The following CCSER1 variants were observed in gnomAD, a reference collection of about 807,000 sequenced individuals.
CCSER1 encodes coiled-coil serine rich protein 1.
A neutral mutation model predicts 82.0 loss-of-function variants in CCSER1; 41 were observed. That is an observed-to-expected ratio of 0.50 (90% CI 0.39 to 0.65). The LOEUF (loss-of-function observed/expected upper bound fraction) is 0.65. Among genes scored for constraint, CCSER1 ranks in the 30% least tolerant of loss-of-function variants. CCSER1 has a pLI of 0.00. For missense variants in CCSER1, 1,119 were observed against 1,064.2 expected (o/e 1.05, Z -0.72); for synonymous variants, 414 against 383.9 (o/e 1.08, Z -0.92).
At chr4:91,346,594 C>T (rs1331529171) in intron 10 of CCSER1, among the ~76,000 whole-genome samples, 1 of 152,102 alleles carries the variant, frequency 6.6e-6, no homozygotes, top group Admixed American at 6.6e-5. Context: ...GGCTATTTTG[C>T]GTATCCACCA....
At chr4:90,709,473 T>C (rs1414809615) in intron 6 of CCSER1, among the ~76,000 whole-genome samples, 1 of 152,034 alleles carries the variant, frequency 6.6e-6, no homozygotes, top group African/African-American at 2.4e-5. Context: ...TGTGTTGTTT[T>C]CCCCTATATG....
chr4:91,100,031 T>G (rs1460859703), intron 10 of CCSER1, among the ~76,000 whole-genome samples: 3 of 152,086 alleles, frequency 2.0e-5, no homozygotes. Context: ...TGTTTTGGGG[T>G]AAAATATTTT....
intron 10 of CCSER1, among the ~76,000 whole-genome samples, chr4:91,297,440 G>A (rs1426209616): frequency 6.7e-6 from 1 of 148,964 alleles, no homozygotes; most frequent in Non-Finnish European, 1.5e-5. Flanking sequence ...AGACAGATGT[G>A]GATAAGGAGG....
At chr4:91,490,468 T>C (rs1185465552) in intron 10 of CCSER1, among the ~76,000 whole-genome samples, 1 of 152,042 alleles carries the variant, frequency 6.6e-6, no homozygotes, top group East Asian at 1.9e-4. Context: ...GAGGACATTA[T>C]GTTAATTGGA....
At chr4:91,210,317 A>G (rs1390438900) in intron 10 of CCSER1, among the ~76,000 whole-genome samples, 1 of 151,106 alleles carries the variant, frequency 6.6e-6, no homozygotes, top group Non-Finnish European at 1.5e-5. Flanking sequence ...GGAAACCATG[A>G]ATCTATGCTG....
chr4:90,153,732 T>C (rs1727391774), intron 1 of CCSER1, among the ~76,000 whole-genome samples: 1 of 152,174 alleles, frequency 6.6e-6, no homozygotes, highest in African/African-American at 2.4e-5. Flanking sequence ...TTGATGGGTT[T>C]ATTTTTTTCT....
chr4:90,775,601 C>A (rs1752790161), intron 7 of CCSER1, among the ~76,000 whole-genome samples: 1 of 152,014 alleles, frequency 6.6e-6, no homozygotes, highest in Non-Finnish European at 1.5e-5. Context: ...GGACTTCTTT[C>A]CTTAGAAGTG....
At chr4:91,499,618 GTCTGCCTATTCA>G (rs1759099427) in intron 10 of CCSER1, among the ~76,000 whole-genome samples, 1 of 151,820 alleles carries the variant, frequency 6.6e-6, no homozygotes, top group Non-Finnish European at 1.5e-5. Context: ...GTCCTCTGTG[GTCTGCCTATTCA>G]TCTCTCCTTT....
intron 1 of CCSER1, among the ~76,000 whole-genome samples, chr4:90,260,065 G>T (rs1724041551): frequency 6.6e-6 from 1 of 152,106 alleles, no homozygotes; most frequent in African/African-American, 2.4e-5. Flanking sequence ...ATGTCTGGTA[G>T]AATTCAATTG....
intron 3 of CCSER1, among the ~76,000 whole-genome samples, chr4:90,388,179 T>G (rs116421886): frequency 7.4e-4 from 112 of 152,342 alleles, no homozygotes; most frequent in African/African-American, 2.6e-3. Context: ...ACAAGGCTGC[T>G]TTAGTGACTG....
intron 10 of CCSER1, among the ~76,000 whole-genome samples, chr4:91,478,048 T>C (rs1267429476): frequency 6.6e-6 from 1 of 151,984 alleles, no homozygotes; most frequent in East Asian, 1.9e-4. Flanking sequence ...ACCCAAATCA[T>C]ATTTATTGGT....
In CCSER1 at chr4:91,554,490, CCAGA is replaced by C. The variant is rs1487590682; in HGVS notation, c.2218-44081_2218-44078del. Reference sequence around the variant, plus strand: ...TCTTAAGAACTTGGAATAAATTTAACCAGAAAGAGGAAAATCTGTACACTGAACA... The same window carrying C: ...TCTTAAGAACTTGGAATAAATTTAACAAGAGGAAAATCTGTACACTGAACA... On this transcript the variant is annotated intron_variant, in intron 10 of 10. Coordinates refer to ENST00000509176, the MANE Select transcript of CCSER1 (RefSeq NM_001145065.2). Among the ~76,000 whole-genome samples the C allele has an allele frequency of 2.0e-5, 3 of 150,948 alleles. 1 individual carries two copies. The highest frequency in any genetic ancestry group is 1.9e-4 in the East Asian group (1 of 5,160).
chr4:90,773,726 A>G (rs769446780), intron 7 of CCSER1, among the ~76,000 whole-genome samples: 2 of 152,248 alleles, frequency 1.3e-5, no homozygotes, highest in Non-Finnish European at 2.9e-5. Context: ...TAGTAAAAAC[A>G]AAATGGGAGA....
intron 10 of CCSER1, among the ~76,000 whole-genome samples, chr4:91,278,997 A>G (rs1039314925): frequency 1.3e-5 from 2 of 151,380 alleles, no homozygotes; most frequent in African/African-American, 4.9e-5. Flanking sequence ...GGGAAAGACT[A>G]TCTCTTCTTC....
chr4:91,552,088 GAATAT>G (rs1762186314), intron 10 of CCSER1, among the ~76,000 whole-genome samples: 1 of 151,578 alleles, frequency 6.6e-6, no homozygotes, highest in Admixed American at 6.6e-5. Context: ...ATAAAAATTT[GAATAT>G]AATTTTTAAT....
At chr4:90,266,097 A>G (rs1442473974) in intron 1 of CCSER1, among the ~76,000 whole-genome samples, 1 of 152,182 alleles carries the variant, frequency 6.6e-6, no homozygotes, top group African/African-American at 2.4e-5. Context: ...CCACTAAAAC[A>G]TAGCTGTTAT....
At chr4:90,184,641 A>G (rs1355459509) in intron 1 of CCSER1, among the ~76,000 whole-genome samples, 1 of 152,048 alleles carries the variant, frequency 6.6e-6, no homozygotes, top group Non-Finnish European at 1.5e-5. Context: ...AAAAGTGAAA[A>G]CTTGGTGCAA....
At chr4:90,876,280 A>G (rs992397011) in intron 8 of CCSER1, among the ~76,000 whole-genome samples, 3 of 152,028 alleles carry the variant, frequency 2.0e-5, no homozygotes, top group African/African-American at 7.2e-5. Context: ...ATGAAAACCC[A>G]ATTTTTATTC....
rs374721087 is a variant in CCSER1 at position 91,131,784 on chromosome 4, A to G, written c.2217+45790A>G. ...CAATACTCATTGGACTAGTCTTTCA[A>G]CTTTTCTGATCTATTTCAAAGTAAA... On this transcript the variant is annotated intron_variant, in intron 10 of 10. Transcript: ENST00000509176. Among the ~76,000 whole-genome samples the G allele has an allele frequency of 2.9e-3, 434 of 152,138 alleles. 1 individual carries two copies. The highest frequency in any genetic ancestry group is 9.8e-3 in the African/African-American group (409 of 41,532).
Sources: allele counts gnomAD v4.1 joint callset (sites outside exome capture counted in the v4.1 genomes callset), GRCh38; gene constraint gnomAD v4.1.1; transcripts MANE v1.5; gene names NCBI Gene and HGNC (gene_info 2026-07-23, HGNC 2026-07-21).